MAP2K3: variants seen among roughly 807,000 people sequenced by gnomAD.
The protein encoded by MAP2K3 is mitogen-activated protein kinase kinase 3.
A neutral mutation model predicts 46.4 loss-of-function variants in MAP2K3; 30 were observed. The observed-to-expected ratio is 0.65, with a 90% CI of 0.48 to 0.88. MAP2K3 has a LOEUF of 0.88. MAP2K3 is among the 40% of genes least tolerant of loss of function. The probability of loss-of-function intolerance (pLI) is 0.00; values close to 1 mark genes in which losing one functional copy is unlikely to be tolerated. For synonymous variants in MAP2K3, 189 were observed against 176.3 expected (o/e 1.07, Z -0.57); for missense variants, 380 against 464.5 (o/e 0.82, Z 1.67).
At chr17:21,291,343 C>G (rs890855287) in intron 1 of MAP2K3, 1 of 106,502 alleles carries the variant, frequency 9.4e-6, no homozygotes, top group Non-Finnish European at 1.8e-5. Flanking sequence ...CAGTACAATA[C>G]AATACAACAC....
intron 1 of MAP2K3, among the ~76,000 whole-genome samples, chr17:21,290,202 G>A (rs1240476739): frequency 6.6e-6 from 1 of 152,194 alleles, no homozygotes; most frequent in Non-Finnish European, 1.5e-5. Context: ...ACCTAATCAG[G>A]AGGTGTGTGG....
At chr17:21,290,765 C>A (rs1975875071) in intron 1 of MAP2K3, among the ~76,000 whole-genome samples, 1 of 152,280 alleles carries the variant, frequency 6.6e-6, no homozygotes, top group Admixed American at 6.5e-5. Context: ...GCCTGGGCAA[C>A]ATAGGGAGAG....
intron 1 of MAP2K3, chr17:21,295,916 G>T: frequency 7.9e-7 from 1 of 1,264,064 alleles, no homozygotes; most frequent in South Asian, 1.3e-5. Context: ...CACAGGGAAA[G>T]GGTGGGACTC....
At position 21,310,261 on chromosome 17, in the gene MAP2K3, G is replaced by A. The variant is rs73302005; in HGVS notation, c.775-1881G>A. On this transcript the variant is annotated intron_variant, in intron 9 of 11. Transcript: ENST00000342679. ...CGACCTCAAGTGATCTGCCTGCCTCGGCCTCCCAAAGTGCTTGGATTATAG... is the reference window on the plus strand; with the variant it reads ...CGACCTCAAGTGATCTGCCTGCCTCAGCCTCCCAAAGTGCTTGGATTATAG... Among the ~76,000 whole-genome samples the A allele has an allele frequency of 5.9e-5, 9 of 152,088 alleles. No homozygotes were observed. In the East Asian group the frequency reaches 7.7e-4, roughly 13 times the overall value.
chr17:21,289,951 C>T (rs1191159931), intron 1 of MAP2K3, among the ~76,000 whole-genome samples: 1 of 152,196 alleles, frequency 6.6e-6, no homozygotes, highest in African/African-American at 2.4e-5. Flanking sequence ...GTGGCCGGCA[C>T]CACCTCCTGC....
intron 1 of MAP2K3, among the ~76,000 whole-genome samples, chr17:21,297,989 C>A (rs1041666006): frequency 4.2e-4 from 63 of 149,710 alleles, no homozygotes; most frequent in African/African-American, 1.4e-3. Flanking sequence ...TGAGCCCCAT[C>A]CTGCTACCTG....
In MAP2K3 at chr17:21,314,227, A is replaced by G. The variant is rs1315748910; in HGVS notation, c.1041A>G (p.Ser347=). 6.2e-7 allele frequency: 1 copy of G among 1,613,766 alleles called. No individual in the cohort carries two copies. The stretch of plus-strand genomic sequence containing the variant: ...TGAAGGAGATCCTGGGAGAAGACTC[A>G]TAGGGGCTGGGCCTCGGACCCCACT... ...AFVKEILGED[S] is the part of the protein sequence containing the mutation. The change falls in exon 12 of 12, where the codon TCA becomes TCG. Residue 347 remains serine, a synonymous_variant. Transcript: ENST00000342679.
chr17:21,287,254 T>A (rs1041177110), intron 1 of MAP2K3, among the ~76,000 whole-genome samples: 1 of 152,202 alleles, frequency 6.6e-6, no homozygotes, highest in African/African-American at 2.4e-5. Context: ...AGGTGATGCC[T>A]CTCCTGTGCA....
intron 1 of MAP2K3, among the ~76,000 whole-genome samples, chr17:21,293,497 G>A (rs909462070): frequency 6.7e-6 from 1 of 148,252 alleles, no homozygotes; most frequent in East Asian, 2.0e-4. Flanking sequence ...CCTCCCCACC[G>A]GATGTTAGGG....
At chr17:21,296,704 C>T (rs1200385183) in intron 1 of MAP2K3, among the ~76,000 whole-genome samples, 1 of 152,310 alleles carries the variant, frequency 6.6e-6, no homozygotes, top group Non-Finnish European at 1.5e-5. Flanking sequence ...TATCTGGAGT[C>T]ACAGATGAGA....
At chr17:21,290,119 G>T (rs893721364) in intron 1 of MAP2K3, among the ~76,000 whole-genome samples, 2 of 152,244 alleles carry the variant, frequency 1.3e-5, no homozygotes, top group African/African-American at 4.8e-5. Flanking sequence ...GTGCGGTGAT[G>T]CGGTGACAGG....
chr17:21,303,552 C>T (rs1393228253), intron 7 of MAP2K3, among the ~76,000 whole-genome samples: 2 of 152,312 alleles, frequency 1.3e-5, no homozygotes, highest in Non-Finnish European at 2.9e-5. Context: ...AACCACCTCC[C>T]TCCAAGATGC....
chr17:21,306,897 T>TA (rs1976914783), intron 9 of MAP2K3, among the ~76,000 whole-genome samples: 1 of 152,250 alleles, frequency 6.6e-6, no homozygotes, highest in Non-Finnish European at 1.5e-5. Context: ...GCCATCCCCC[T>TA]ACCTCAGTCT....
chr17:21,300,750 G>A (rs1273449162), intron 4 of MAP2K3, 92 bp downstream of exon 4: 3 of 1,605,184 alleles, frequency 1.9e-6, no homozygotes, highest in Non-Finnish European at 2.6e-6. Context: ...TCAGTGATCA[G>A]TACCGAGGCT....
chr17:21,287,739 T>C (rs1008290129), intron 1 of MAP2K3, among the ~76,000 whole-genome samples: 1 of 152,200 alleles, frequency 6.6e-6, no homozygotes, highest in African/African-American at 2.4e-5. Flanking sequence ...ACGTGTCCTG[T>C]TGTCGTTCAG....
intron 1 of MAP2K3, among the ~76,000 whole-genome samples, chr17:21,294,772 G>T (rs3892031): frequency 6.6e-6 from 1 of 152,196 alleles, no homozygotes; most frequent in Non-Finnish European, 1.5e-5. Context: ...ATCTCCACGC[G>T]CCAGGCACTG....
chr17:21,313,660 C>T (rs762875368), intron 11 of MAP2K3, 123 bp downstream of exon 11: 7 of 781,752 alleles, frequency 9.0e-6, no homozygotes, highest in Admixed American at 2.2e-5. Context: ...CCTGTGTTCT[C>T]TCCTTTAGGT....
At chr17:21,285,303 G>T in intron 1 of MAP2K3, 4 of 985,216 alleles carry the variant, frequency 4.1e-6, no homozygotes, top group Non-Finnish European at 3.6e-6. Context: ...AACTCTCCCA[G>T]TCTTCTCCCT....
chr17:21,311,926 T>C (rs1977181236), intron 9 of MAP2K3: 3 of 479,402 alleles, frequency 6.3e-6, no homozygotes, highest in African/African-American at 4.1e-5. Flanking sequence ...ATCTGCTTCC[T>C]GAGCTGGGTC....
Sources: allele counts gnomAD v4.1 joint callset (sites outside exome capture counted in the v4.1 genomes callset), GRCh38; gene constraint gnomAD v4.1.1; transcripts MANE v1.5; gene names NCBI Gene and HGNC (gene_info 2026-07-23, HGNC 2026-07-21).